The following CADM2 variants were observed in gnomAD, a reference collection of about 807,000 sequenced individuals.
CADM2 encodes cell adhesion molecule 2.
CADM2 carries 12 observed loss-of-function variants against 49.8 expected under a neutral mutation model. The ratio of observed to expected loss-of-function variants is 0.24; its 90% CI spans 0.15 to 0.39. The LOEUF (loss-of-function observed/expected upper bound fraction) is 0.39. Ranked by LOEUF, CADM2 falls within the 10% of genes least tolerant of loss-of-function variation. CADM2 has a pLI of 1.00. For synonymous variants in CADM2, 214 were observed against 175.4 expected (o/e 1.22, Z -1.74); for missense variants, 378 against 492.3 (o/e 0.77, Z 2.20).
chr3:85,532,980 A>G (rs935551764), intron 1 of CADM2, among the ~76,000 whole-genome samples: 9 of 152,170 alleles, frequency 5.9e-5, no homozygotes, highest in African/African-American at 1.9e-4. Flanking sequence ...CATAGATGGG[A>G]ACAATACACA....
At chr3:85,014,136 T>C (rs1452553771) in intron 1 of CADM2, among the ~76,000 whole-genome samples, 1 of 146,832 alleles carries the variant, frequency 6.8e-6, no homozygotes, top group Non-Finnish European at 1.5e-5. Flanking sequence ...GTATATTATA[T>C]ATACGCAGTG....
At chr3:85,558,559 A>G (rs2062017077) in intron 1 of CADM2, among the ~76,000 whole-genome samples, 1 of 152,100 alleles carries the variant, frequency 6.6e-6, no homozygotes, top group Admixed American at 6.6e-5. Flanking sequence ...TGATAATGCC[A>G]TCATTTTTCA....
chr3:85,183,630 T>C (rs536785065), intron 1 of CADM2, among the ~76,000 whole-genome samples: 5 of 152,120 alleles, frequency 3.3e-5, no homozygotes, highest in African/African-American at 1.2e-4. Flanking sequence ...ATGTTTAGAT[T>C]TGAAGTAACC....
At chr3:85,118,813 G>A (rs933258795) in intron 1 of CADM2, among the ~76,000 whole-genome samples, 13 of 152,088 alleles carry the variant, frequency 8.5e-5, no homozygotes, top group East Asian at 3.9e-4. Flanking sequence ...GCAATGGCGC[G>A]ATCTCCGCTC....
chr3:85,296,088 A>T (rs894308640), intron 1 of CADM2, among the ~76,000 whole-genome samples: 2 of 152,008 alleles, frequency 1.3e-5, no homozygotes, highest in Non-Finnish European at 2.9e-5. Context: ...TCCATACTTG[A>T]TATTATAATA....
At chr3:85,666,068 A>C (rs1423667117) in intron 1 of CADM2, among the ~76,000 whole-genome samples, 2 of 152,032 alleles carry the variant, frequency 1.3e-5, no homozygotes, top group Non-Finnish European at 2.9e-5. Flanking sequence ...TCAATGTGCA[A>C]AAATCACGAG....
chr3:85,364,555 A>C (rs551262333), intron 1 of CADM2, among the ~76,000 whole-genome samples: 3 of 152,196 alleles, frequency 2.0e-5, no homozygotes, highest in African/African-American at 4.8e-5. Context: ...ACAGAATGGC[A>C]AGCAGAATGA....
intron 8 of CADM2, among the ~76,000 whole-genome samples, chr3:86,030,681 A>G (rs932576781): frequency 6.6e-6 from 1 of 151,956 alleles, no homozygotes; most frequent in South Asian, 2.1e-4. Context: ...AAAATTGATT[A>G]TATAAGGTCA....
chr3:85,548,271 A>G, intron 1 of CADM2, among the ~76,000 whole-genome samples: 1 of 151,356 alleles, frequency 6.6e-6, no homozygotes. Flanking sequence ...CCTCACATTT[A>G]TCCGAAAGCT....
intron 8 of CADM2, among the ~76,000 whole-genome samples, chr3:86,023,422 G>T (rs1733462356): frequency 6.6e-6 from 1 of 151,700 alleles, no homozygotes; most frequent in Admixed American, 6.6e-5. Context: ...TGCTCTTGTT[G>T]CCCATGGCTC....
At chr3:85,422,809 C>G (rs2036234829) in intron 1 of CADM2, among the ~76,000 whole-genome samples, 1 of 151,780 alleles carries the variant, frequency 6.6e-6, no homozygotes. Context: ...TGAGCAGGTA[C>G]AGGAGCTGGG....
intron 1 of CADM2, among the ~76,000 whole-genome samples, chr3:85,726,113 A>C (rs1481483056): frequency 6.6e-6 from 1 of 152,038 alleles, no homozygotes; most frequent in Admixed American, 6.6e-5. Context: ...CAAATGATGG[A>C]AGTGGCCTGC....
intron 2 of CADM2, among the ~76,000 whole-genome samples, chr3:85,797,817 T>C (rs148676695): frequency 6.6e-6 from 1 of 152,186 alleles, no homozygotes; most frequent in Admixed American, 6.5e-5. Context: ...TAGTTCTAGA[T>C]CCTTGAGGAA....
intron 2 of CADM2, among the ~76,000 whole-genome samples, chr3:85,732,094 C>CAAAAAAAAAAAA (rs3044020): frequency 1.1e-5 from 1 of 90,826 alleles, no homozygotes. Flanking sequence ...CTAAGAATAC[C>CAAAAAAAAAAAA]AAAAAAAAAA....
rs1280113496 is a variant in CADM2 at position 85,977,142 on chromosome 3, A to C, written c.970+15495A>C. ...TACTACTATAATAATAATAATTATT[A>C]TTATTGTAAATAAAAACAAAACAAA... is the stretch of plus-strand genomic sequence containing the variant. On this transcript the variant is annotated intron_variant, in intron 8 of 9. Transcript: ENST00000383699. Among the ~76,000 whole-genome samples, 9 of 151,234 alleles carry C rather than the reference A, an allele frequency of 6.0e-5. No individual in the cohort carries two copies. The East Asian group carries it at 1.8e-3, about 29-fold the overall frequency.
intron 1 of CADM2, among the ~76,000 whole-genome samples, chr3:85,509,112 T>A (rs2106826378): frequency 6.6e-6 from 1 of 152,270 alleles, no homozygotes; most frequent in Non-Finnish European, 1.5e-5. Context: ...TCAAGAGCTA[T>A]GGGACGCTAA....
At chr3:85,891,084 T>A (rs1227844125) in intron 5 of CADM2, among the ~76,000 whole-genome samples, 1 of 152,222 alleles carries the variant, frequency 6.6e-6, no homozygotes, top group Non-Finnish European at 1.5e-5. Context: ...CTCTGTTTTT[T>A]ATCCCCTTTA....
At chr3:85,951,158 T>G (rs944123445) in intron 7 of CADM2, among the ~76,000 whole-genome samples, 1 of 151,004 alleles carries the variant, frequency 6.6e-6, no homozygotes, top group African/African-American at 2.4e-5. Context: ...AAACTCTAAC[T>G]CATGATAATT....
In CADM2 at chr3:85,079,865, A is replaced by G. The variant is rs138909352; in HGVS notation, c.61+120197A>G. On this transcript the variant is annotated intron_variant, in intron 1 of 9. Coordinates refer to ENST00000383699, the MANE Select transcript of CADM2 (RefSeq NM_001167675.2). Reference sequence around the variant, plus strand: ...AATGCATAAACCATGAACGCAAAATAAACATCATCACTAAAATAGAAGTGT... The same window carrying G: ...AATGCATAAACCATGAACGCAAAATGAACATCATCACTAAAATAGAAGTGT... 1.1e-4 allele frequency among the ~76,000 whole-genome samples: 17 copies of G among 152,044 alleles called. No individual in the cohort carries two copies. In the East Asian group the frequency reaches 3.1e-3, roughly 28 times the overall value.
Sources: gnomAD v4.1 joint callset for allele counts (sites outside exome capture counted in the v4.1 genomes callset) on GRCh38, gnomAD v4.1.1 for gene constraint, MANE v1.5 for transcripts, NCBI Gene and HGNC (gene_info 2026-07-23, HGNC 2026-07-21) for gene names.